DNAH14: variants seen among roughly 807,000 people sequenced by gnomAD.
DNAH14 encodes dynein axonemal heavy chain 14, also known as axonemal beta dynein heavy chain 14.
A neutral mutation model predicts 520.9 loss-of-function variants in DNAH14; 478 were observed. The ratio of observed to expected loss-of-function variants is 0.92; its 90% CI spans 0.85 to 0.99. The LOEUF is 0.99. Among genes scored for constraint, DNAH14 ranks in the 50% least tolerant of loss-of-function variants. The pLI is 0.00. For missense variants in DNAH14, 4,831 were observed against 5,234.5 expected, an observed-to-expected ratio of 0.92 and a Z score of 2.38; for synonymous variants, 1,581 against 1,757.2, an observed-to-expected ratio of 0.90 and a Z score of 2.51.
rs531906066 is a variant in DNAH14 at position 225,043,954 on chromosome 1, A to T, written c.1883A>T (p.Asn628Ile). ...TTGGAGTTTTCAGTAAAAATTCAAA[A>T]TATGTTGACTAATATGGAAAAATGT... ...NRLEFSVKIQ[N>I]MLTNMEKCIT... Residue 628 changes from asparagine (N) to isoleucine (I), a missense_variant, in exon 15 of 86, where the codon AAT becomes ATT. Physicochemically the swap from Asn to Ile is moderately radical, Grantham distance 149. Coordinates refer to ENST00000682510, the MANE Select transcript of DNAH14 (RefSeq NM_001367479.1). The T allele has an allele frequency of 2.0e-6, 3 of 1,515,438 alleles. No homozygotes were observed. In the East Asian group the frequency reaches 7.4e-5, roughly 37 times the overall value. The allele number at this position is 1,515,438 out of a possible 1,614,324, so 93.9% of individuals were successfully genotyped here. A position where few individuals can be genotyped will look rare whatever the true frequency, so the allele number is the denominator to read the frequency against.
chr1:225,215,243 G>C (rs1003541291), intron 41 of DNAH14, among the ~76,000 whole-genome samples: 18 of 152,078 alleles, frequency 1.2e-4, no homozygotes, highest in African/African-American at 4.3e-4. Flanking sequence ...ATCCTGAGTT[G>C]TAATTTGATT....
At chr1:225,018,280 C>A (rs1046286040) in intron 10 of DNAH14, among the ~76,000 whole-genome samples, 4 of 152,056 alleles carry the variant, frequency 2.6e-5, no homozygotes, top group African/African-American at 9.7e-5. Context: ...AGGCATTAGA[C>A]CAAGCTGAGG....
At chr1:224,955,141 T>C in intron 3 of DNAH14, 43 bp downstream of exon 3, 1 of 1,575,044 alleles carries the variant, frequency 6.3e-7, no homozygotes. Flanking sequence ...ATTTATATTT[T>C]AGTTTATGGA....
At chr1:224,945,938 G>A (rs1165674504) in intron 1 of DNAH14, among the ~76,000 whole-genome samples, 1 of 152,294 alleles carries the variant, frequency 6.6e-6, no homozygotes, top group African/African-American at 2.4e-5. Context: ...CGGGGGTCAG[G>A]GAACTGCTTG....
At chr1:225,104,339 A>C (rs548003618) in intron 23 of DNAH14, among the ~76,000 whole-genome samples, 152 of 152,240 alleles carry the variant, frequency 1.0e-3, no homozygotes, top group African/African-American at 3.5e-3. Flanking sequence ...TATTGGTCTA[A>C]AATTCTCTTT....
rs2095573580 is a variant in DNAH14, at chr1:225,367,944, G to C, written c.12230G>C (p.Cys4077Ser). The change falls in exon 77 of 86, where the codon TGT becomes TCT. Residue 4077 changes from cysteine to serine, a missense_variant. By Grantham distance (112) the Cys-to-Ser change is moderately radical. Coordinates refer to ENST00000682510, the MANE Select transcript of DNAH14 (RefSeq NM_001367479.1). ...TGGAAAAAACTTTTATTTAGCCTAT[G>C]TTTTTTCAATGCTGTAATCAATGAA... The part of the protein sequence containing the change: ...QWWKKLLFSL[C>S]FFNAVINERK... 1 of 1,551,446 alleles carries C rather than the reference G, an allele frequency of 6.4e-7. No individual in the cohort carries two copies. Among genetic ancestry groups the C allele is most frequent in the Admixed American group, 2.0e-5 (1 of 50,964 alleles).
chr1:225,102,761 A>T (rs1392558502), intron 23 of DNAH14, among the ~76,000 whole-genome samples: 2 of 151,892 alleles, frequency 1.3e-5, no homozygotes, highest in East Asian at 1.9e-4. Context: ...TGTAAATCTG[A>T]CTGAGTTCAT....
At chr1:225,158,345 G>T (rs554704436) in intron 34 of DNAH14, among the ~76,000 whole-genome samples, 7 of 152,254 alleles carry the variant, frequency 4.6e-5, no homozygotes, top group African/African-American at 1.7e-4. Context: ...CAGAGATGGG[G>T]CAGGGTGTGA....
chr1:225,271,901 T>A lies in DNAH14; in HGVS notation c.7672-5T>A. ...CAAGCTAAATTATAACATTTCTTTTTAAAGGCTCATTTGGGAATTTATTTC... is the reference window on the plus strand; with the variant it reads ...CAAGCTAAATTATAACATTTCTTTTAAAAGGCTCATTTGGGAATTTATTTC... On this transcript the variant is annotated splice_polypyrimidine_tract_variant and splice_region_variant and intron_variant, in intron 50 of 85. Transcript: ENST00000682510. 1 of 1,537,850 alleles carries A rather than the reference T, an allele frequency of 6.5e-7. No homozygotes were observed.
chr1:225,147,817 C>T (rs2080096937), intron 31 of DNAH14, among the ~76,000 whole-genome samples: 1 of 152,106 alleles, frequency 6.6e-6, no homozygotes, highest in Admixed American at 6.6e-5. Flanking sequence ...GCCCTAGTAT[C>T]AGTTGTTCCT....
At chr1:225,155,980 C>T (rs1225710085) in intron 34 of DNAH14, among the ~76,000 whole-genome samples, 2 of 152,078 alleles carry the variant, frequency 1.3e-5, no homozygotes, top group African/African-American at 4.8e-5. Context: ...TTTCTTTGAC[C>T]TTCGTGACAC....
intron 17 of DNAH14, among the ~76,000 whole-genome samples, chr1:225,067,869 A>G (rs547733612): frequency 6.6e-6 from 1 of 152,226 alleles, no homozygotes; most frequent in South Asian, 2.1e-4. Flanking sequence ...TTAGATGACT[A>G]GTTTGCAAAA....
chr1:225,104,068 A>G (rs2075786622), intron 23 of DNAH14, among the ~76,000 whole-genome samples: 4 of 152,176 alleles, frequency 2.6e-5, no homozygotes. Context: ...CGTCCCCTCA[A>G]TACCTAATTT....
At chr1:225,336,507 T>A (rs991012616) in intron 66 of DNAH14, among the ~76,000 whole-genome samples, 7 of 151,870 alleles carry the variant, frequency 4.6e-5, no homozygotes, top group Non-Finnish European at 1.0e-4. Flanking sequence ...AATAGACAAA[T>A]CTACAATCAT....
In DNAH14 at chr1:225,156,808, G is replaced by A. The variant is rs1401154307; in HGVS notation, c.5274-2506G>A. Among the ~76,000 whole-genome samples the A allele has an allele frequency of 2.4e-4, 25 of 104,926 alleles. 1 individual carries two copies. In the Admixed American group the frequency reaches 2.5e-3, roughly 10 times the overall value. 68.8% of individuals were successfully genotyped at this position (104,926 alleles called of 152,430 possible). On this transcript the variant is annotated intron_variant, in intron 34 of 85. Transcript: ENST00000682510. ...CGGCTCACTGCAAGCTCCGCCTCCC[G>A]GGTTCACGCCATTCTCCTGCCTCAG...
chr1:225,085,280 A>G (rs12043807), intron 20 of DNAH14, among the ~76,000 whole-genome samples: 50,771 of 151,956 alleles, frequency 0.33, 10,103 homozygotes, highest in East Asian at 0.54. Flanking sequence ...GAAGGTGTAT[A>G]CTCTTTATAA....
chr1:225,007,447 T>C lies in DNAH14; in HGVS notation c.1010T>C (p.Phe337Ser), dbSNP rs973425478. 2.6e-6 allele frequency: 4 copies of C among 1,539,908 alleles called. No homozygotes were observed. Among genetic ancestry groups the C allele is most frequent in the African/African-American group, 1.4e-5 (1 of 72,664 alleles). ...TCTCGAACATATTCTCTAGATGAATTTTGTGAAGAGCAGTTACAGCAAGCT... is the reference window on the plus strand; with the variant it reads ...TCTCGAACATATTCTCTAGATGAATCTTGTGAAGAGCAGTTACAGCAAGCT... Reference protein sequence around the residue: ...DSSRTYSLDEFCEEQLQQATQ... With the variant: ...DSSRTYSLDESCEEQLQQATQ... Residue 337 changes from phenylalanine (F) to serine (S), a missense_variant, in exon 10 of 86, where the codon TTT becomes TCT. By Grantham distance (155) the Phe-to-Ser change is radical. Transcript: ENST00000682510.
chr1:225,002,253 T>C (rs1226689496), intron 8 of DNAH14, among the ~76,000 whole-genome samples: 1 of 152,018 alleles, frequency 6.6e-6, no homozygotes, highest in East Asian at 1.9e-4. Flanking sequence ...TTATTTCCAG[T>C]GTAGTTAGTA....
At chr1:224,988,398 A>C (rs1187167061) in intron 8 of DNAH14, among the ~76,000 whole-genome samples, 2 of 152,190 alleles carry the variant, frequency 1.3e-5, no homozygotes, top group Non-Finnish European at 2.9e-5. Flanking sequence ...CGTTAAGAGA[A>C]ATGCAAATCA....
Sources: allele counts gnomAD v4.1 joint callset (sites outside exome capture counted in the v4.1 genomes callset), GRCh38; gene constraint gnomAD v4.1.1; transcripts MANE v1.5; gene names NCBI Gene and HGNC (gene_info 2026-07-23, HGNC 2026-07-21).